EPHA5: variants seen among roughly 807,000 people sequenced by gnomAD.
EPHA5 encodes the protein EPH receptor A5.
Under a neutral mutation model 105.0 loss-of-function variants are expected in EPHA5, and 60 were observed. The ratio of observed to expected loss-of-function variants is 0.57; its 90% CI spans 0.46 to 0.71. The LOEUF (loss-of-function observed/expected upper bound fraction) is 0.71. EPHA5 is among the 30% of genes least tolerant of loss of function. The pLI is 0.00. For missense variants in EPHA5, 1,218 were observed against 1,274.7 expected, an observed-to-expected ratio of 0.96 and a Z score of 0.68; for synonymous variants, 513 against 449.1, an observed-to-expected ratio of 1.14 and a Z score of -1.80.
At chr4:65,457,732 T>A (rs557788835) in intron 5 of EPHA5, among the ~76,000 whole-genome samples, 1 of 152,144 alleles carries the variant, frequency 6.6e-6, no homozygotes, top group Non-Finnish European at 1.5e-5. Flanking sequence ...TACACCAGAA[T>A]CAACAAGTAA....
intron 8 of EPHA5, among the ~76,000 whole-genome samples, chr4:65,401,255 A>G (rs1003617299): frequency 6.6e-6 from 1 of 152,132 alleles, no homozygotes; most frequent in Non-Finnish European, 1.5e-5. Context: ...TTATTTAACA[A>G]ATCTTTACTG....
In EPHA5 at chr4:65,643,526, A is replaced by C. The variant is rs1021635221; in HGVS notation, c.182-99T>G. 3.1e-6 allele frequency: 3 copies of C among 953,108 alleles called. 1 individual carries two copies. In the Admixed American group the frequency reaches 6.4e-5, roughly 20 times the overall value. The allele number at this position is 953,108 out of a possible 1,614,324, so 59.0% of individuals were successfully genotyped here. A position where few individuals can be genotyped will look rare whatever the true frequency, so the allele number is the denominator to read the frequency against. On this transcript the variant is annotated intron_variant, in intron 1 of 16. Transcript: ENST00000613740. The stretch of plus-strand genomic sequence containing the variant: ...TATTAAAATTGCATGTTGTTTACAT[A>C]ACTGAAATTAAGTGTTCATTATGAT...
At chr4:65,449,559 G>T (rs539708283) in intron 5 of EPHA5, among the ~76,000 whole-genome samples, 2 of 152,134 alleles carry the variant, frequency 1.3e-5, no homozygotes, top group African/African-American at 4.8e-5. Context: ...ACAAACTGTC[G>T]TATATTCATA....
At chr4:65,542,893 C>T (rs539165539) in intron 3 of EPHA5, among the ~76,000 whole-genome samples, 2 of 152,132 alleles carry the variant, frequency 1.3e-5, no homozygotes, top group South Asian at 2.1e-4. Context: ...TTGGTTTCAG[C>T]CCTGGGATGC....
At chr4:65,509,674 T>C (rs1485480203) in intron 3 of EPHA5, among the ~76,000 whole-genome samples, 1 of 152,190 alleles carries the variant, frequency 6.6e-6, no homozygotes, top group Non-Finnish European at 1.5e-5. Context: ...TTCACACTTT[T>C]GCGACCCTAT....
At chr4:65,432,621 G>A (rs1445087294) in intron 5 of EPHA5, among the ~76,000 whole-genome samples, 3 of 151,974 alleles carry the variant, frequency 2.0e-5, no homozygotes, top group African/African-American at 4.8e-5. Context: ...AGTCTTGAGT[G>A]CAGTGGTGCA....
chr4:65,560,385 T>G (rs1278644354), intron 3 of EPHA5, among the ~76,000 whole-genome samples: 1 of 152,064 alleles, frequency 6.6e-6, no homozygotes, highest in African/African-American at 2.4e-5. Flanking sequence ...TTGTCCCGTA[T>G]CACAACTTAA....
chr4:65,419,634 C>G (rs1230563303), intron 6 of EPHA5, among the ~76,000 whole-genome samples: 1 of 152,124 alleles, frequency 6.6e-6, no homozygotes, highest in Non-Finnish European at 1.5e-5. Context: ...GGTGCGTATG[C>G]CATTCAGGTC....
At chr4:65,455,359 G>C (rs1727478898) in intron 5 of EPHA5, among the ~76,000 whole-genome samples, 1 of 152,162 alleles carries the variant, frequency 6.6e-6, no homozygotes, top group Non-Finnish European at 1.5e-5. Flanking sequence ...CAATTTACTA[G>C]AGTGCACACA....
intron 2 of EPHA5, among the ~76,000 whole-genome samples, chr4:65,642,242 T>A (rs1029441497): frequency 3.3e-5 from 5 of 152,000 alleles, no homozygotes; most frequent in African/African-American, 7.2e-5. Flanking sequence ...ATACAAAATA[T>A]CTGTATAGGT....
At chr4:65,532,207 A>T (rs1735873365) in intron 3 of EPHA5, among the ~76,000 whole-genome samples, 1 of 152,150 alleles carries the variant, frequency 6.6e-6, no homozygotes, top group South Asian at 2.1e-4. Flanking sequence ...TTTAAAAAGT[A>T]GAAAAGCTTT....
chr4:65,384,992 A>C (rs918810314), intron 8 of EPHA5, among the ~76,000 whole-genome samples: 1 of 151,664 alleles, frequency 6.6e-6, no homozygotes, highest in Admixed American at 6.6e-5. Context: ...GGCCTCTTAG[A>C]AAAGAACGTA....
intron 2 of EPHA5, among the ~76,000 whole-genome samples, chr4:65,624,028 C>T (rs1745927778): frequency 6.6e-6 from 1 of 152,000 alleles, no homozygotes; most frequent in East Asian, 1.9e-4. Context: ...CAATCAGAAA[C>T]AAATGAATAA....
chr4:65,666,309 C>T (rs2149561278), intron 1 of EPHA5, among the ~76,000 whole-genome samples: 1 of 152,284 alleles, frequency 6.6e-6, no homozygotes, highest in Non-Finnish European at 1.5e-5. Flanking sequence ...ACTGTAGCTT[C>T]AATGAATTAA....
At chr4:65,601,166 C>A (rs4860690) in intron 3 of EPHA5, among the ~76,000 whole-genome samples, 74,856 of 151,990 alleles carry the variant, frequency 0.49, 20,144 homozygotes, top group Middle Eastern at 0.65. Context: ...CTATAAAGTT[C>A]ATATGGCTGA....
At chr4:65,350,494 A>T (rs954406480) in intron 13 of EPHA5, among the ~76,000 whole-genome samples, 1 of 152,158 alleles carries the variant, frequency 6.6e-6, no homozygotes. Flanking sequence ...ATCAAATTGT[A>T]TAGGGAAAAA....
chr4:65,542,942 C>T (rs4478235), intron 3 of EPHA5, among the ~76,000 whole-genome samples: 17,429 of 151,930 alleles, frequency 0.11, 1,441 homozygotes, highest in East Asian at 0.3. Context: ...AAACATAATC[C>T]ATCACATAAG....
intron 8 of EPHA5, among the ~76,000 whole-genome samples, chr4:65,385,263 T>C (rs942848069): frequency 6.6e-6 from 1 of 151,862 alleles, no homozygotes; most frequent in Non-Finnish European, 1.5e-5. Flanking sequence ...AATATGTACA[T>C]TGTTTAGCTC....
chr4:65,581,122 T>C (rs1741577232), intron 3 of EPHA5, among the ~76,000 whole-genome samples: 2 of 151,734 alleles, frequency 1.3e-5, no homozygotes, highest in African/African-American at 4.8e-5. Flanking sequence ...GTTCTCCCAT[T>C]TATTTAGCCC....
Sources: allele counts gnomAD v4.1 joint callset (sites outside exome capture counted in the v4.1 genomes callset), GRCh38; gene constraint gnomAD v4.1.1; transcripts MANE v1.5; gene names NCBI Gene and HGNC (gene_info 2026-07-23, HGNC 2026-07-21).